DPP6: variants seen among roughly 807,000 people sequenced by gnomAD.
DPP6 encodes the protein dipeptidyl peptidase like 6.
A neutral mutation model predicts 122.6 loss-of-function variants in DPP6; 69 were observed. The observed-to-expected ratio is 0.56, with a 90% CI of 0.46 to 0.69. DPP6 has a LOEUF of 0.69. Ranked by LOEUF, DPP6 falls within the 30% of genes least tolerant of loss-of-function variation. The pLI, the probability that DPP6 is intolerant of heterozygous loss-of-function variation, is 0.00. For missense variants in DPP6, 928 were observed against 1,116.9 expected, an observed-to-expected ratio of 0.83 and a Z score of 2.41; for synonymous variants, 418 against 433.1, an observed-to-expected ratio of 0.97 and a Z score of 0.43.
At chr7:154,347,863 T>C (rs1393169777) in intron 1 of DPP6, among the ~76,000 whole-genome samples, 1 of 152,152 alleles carries the variant, frequency 6.6e-6, no homozygotes, top group South Asian at 2.1e-4. Flanking sequence ...ACTTGTGGAG[T>C]GAACCAGCCC....
At chr7:154,183,580 C>CTTCCT (rs1220906221) in intron 1 of DPP6, among the ~76,000 whole-genome samples, 1 of 152,182 alleles carries the variant, frequency 6.6e-6, no homozygotes, top group Non-Finnish European at 1.5e-5. Context: ...ACTAGGGCGT[C>CTTCCT]TTCCTTCCTC....
chr7:154,489,953 T>G (rs1019605943), intron 3 of DPP6, among the ~76,000 whole-genome samples: 30 of 152,310 alleles, frequency 2.0e-4, no homozygotes, highest in African/African-American at 7.0e-4. Context: ...TTTTCTTAAC[T>G]TCTCCCAGAT....
chr7:153,791,595 A>G, the DPP6 span, among the ~76,000 whole-genome samples: 1 of 151,224 alleles, frequency 6.6e-6, no homozygotes, highest in Non-Finnish European at 1.5e-5. Flanking sequence ...CTAATTTTGT[A>G]TTTTAGTAGA....
At chr7:153,956,608 A>T (rs796239799) in intron 1 of DPP6, among the ~76,000 whole-genome samples, 12 of 152,258 alleles carry the variant, frequency 7.9e-5, no homozygotes, top group African/African-American at 2.9e-4. Context: ...TCATTCTGGC[A>T]CATTTTTCAG....
chr7:154,206,441 T>TTTAAGGGAGAAGCCTTAA lies in DPP6; in HGVS notation c.243+153378_243+153379insTTAAGGGAGAAGCCTTAA, dbSNP rs1799450593. Among the ~76,000 whole-genome samples the TTTAAGGGAGAAGCCTTAA allele has an allele frequency of 2.0e-5, 3 of 152,298 alleles. No individual in the cohort carries two copies. In the South Asian group the frequency reaches 6.2e-4, roughly 32 times the overall value. ...GAAGCCTTAAATTCCTGTCCTTGAA[T>TTTAAGGGAGAAGCCTTAA]ATGCTCTTGCCCCAGACATATTGCT... On this transcript the variant is annotated intron_variant, in intron 1 of 25. Transcript: ENST00000377770.
intron 1 of DPP6, among the ~76,000 whole-genome samples, chr7:154,232,677 A>G (rs967727657): frequency 6.6e-6 from 1 of 152,172 alleles, no homozygotes; most frequent in Non-Finnish European, 1.5e-5. Flanking sequence ...CTATTTTGAC[A>G]AAGCCTTTTG....
rs570166432 is a variant in DPP6, at chr7:154,286,530, C to T, written c.244-159684C>T. Reference sequence around the variant, plus strand: ...ACTTGAAATGTTCATTGCACATTCCCCTGTAGGCAAGAGTATTTATTGAGA... The same window carrying T: ...ACTTGAAATGTTCATTGCACATTCCTCTGTAGGCAAGAGTATTTATTGAGA... On this transcript the variant is annotated intron_variant, in intron 1 of 25. Coordinates refer to ENST00000377770, the MANE Select transcript of DPP6 (RefSeq NM_130797.4). Among the ~76,000 whole-genome samples, 7 of 152,294 alleles carry T rather than the reference C, an allele frequency of 4.6e-5. No individual in the cohort carries two copies. In the East Asian group the frequency reaches 9.7e-4, roughly 21 times the overall value.
chr7:154,251,929 A>G (rs924730411), intron 1 of DPP6, among the ~76,000 whole-genome samples: 6 of 152,028 alleles, frequency 3.9e-5, no homozygotes, highest in African/African-American at 1.4e-4. Context: ...CACCAGAAAC[A>G]ATACTTTGCA....
rs1834395599 is a variant in DPP6 at position 154,618,250 on chromosome 7, G to A, written c.628-19571G>A. On this transcript the variant is annotated intron_variant, in intron 5 of 25. Transcript: ENST00000377770. This position sits in a 1 kb window ranked among gnomAD's most constrained non-coding sequence, Gnocchi z 4.1. ...CCCTGAGTTATTTTGCCCCTAATGG[G>A]TTTCCAGGGTCGTGTCCTTTCCCAA... 6.6e-6 allele frequency among the ~76,000 whole-genome samples: 1 copy of A among 152,140 alleles called. No individual in the cohort carries two copies. The highest frequency in any genetic ancestry group is 1.5e-5 in the Non-Finnish European group (1 of 68,032).
chr7:154,551,761 A>C (rs1233238602), intron 4 of DPP6, among the ~76,000 whole-genome samples: 2 of 152,078 alleles, frequency 1.3e-5, no homozygotes, highest in East Asian at 1.9e-4. Context: ...AATTCCAAAA[A>C]TCTCTGCCTA....
chr7:154,061,859 GC>G lies in DPP6; in HGVS notation c.243+8797del, dbSNP rs1195522917. 2.7e-4 allele frequency among the ~76,000 whole-genome samples: 36 copies of G among 132,844 alleles called. 2 individuals are homozygous for G. The highest frequency in any genetic ancestry group is 6.6e-4 in the East Asian group (3 of 4,542). 87.2% of individuals were successfully genotyped at this position (132,844 alleles called of 152,430 possible). A position where few individuals can be genotyped will look rare whatever the true frequency, so the allele number is the denominator to read the frequency against. The stretch of plus-strand genomic sequence containing the variant: ...GCTCTTAGGATCCCCATCGCTGGGG[GC>G]GGAGGCACCCCCCGCGAGGCAGGGA... On this transcript the variant is annotated intron_variant, in intron 1 of 25. Coordinates refer to ENST00000377770, the MANE Select transcript of DPP6 (RefSeq NM_130797.4).
chr7:153,883,251 G>A (rs1464693042), upstream of DPP6, among the ~76,000 whole-genome samples: 3 of 152,102 alleles, frequency 2.0e-5, no homozygotes, highest in Non-Finnish European at 4.4e-5. Context: ...AACTTCTGAT[G>A]GTAATGCTGT....
rs375536419 is a variant in DPP6 at position 154,838,451 on chromosome 7, G to T, written c.1667-15329G>T. Reference sequence around the variant, plus strand: ...GATTAAAGAAATGTGGGGCCAAAAAGGTTAAGTAATAAGAAAAGTCTGCTT... The same window carrying T: ...GATTAAAGAAATGTGGGGCCAAAAATGTTAAGTAATAAGAAAAGTCTGCTT... On this transcript the variant is annotated intron_variant, in intron 16 of 25. Coordinates refer to ENST00000377770, the MANE Select transcript of DPP6 (RefSeq NM_130797.4). 4 of 152,170 alleles carry T rather than the reference G, an allele frequency of 2.6e-5. No homozygotes were observed. In the East Asian group the frequency reaches 7.7e-4, roughly 29 times the overall value. The allele number at this position is 152,170 out of a possible 1,614,324, so 9.4% of individuals were successfully genotyped here. A position where few individuals can be genotyped will look rare whatever the true frequency, so the allele number is the denominator to read the frequency against.
chr7:154,353,311 T>C (rs1159951317), intron 1 of DPP6, among the ~76,000 whole-genome samples: 2 of 152,196 alleles, frequency 1.3e-5, no homozygotes, highest in Non-Finnish European at 2.9e-5. Flanking sequence ...TGGACTACAG[T>C]TGTTCTGAAT....
intron 1 of DPP6, among the ~76,000 whole-genome samples, chr7:154,125,556 C>T (rs1228635953): frequency 1.3e-5 from 2 of 152,158 alleles, no homozygotes; most frequent in African/African-American, 2.4e-5. Context: ...GTGCCATGGC[C>T]TCTTACAAGG....
chr7:154,766,753 C>T (rs528445253), intron 8 of DPP6, among the ~76,000 whole-genome samples: 1 of 152,292 alleles, frequency 6.6e-6, no homozygotes, highest in African/African-American at 2.4e-5. Flanking sequence ...TGTGGCCAGC[C>T]TTCACCCACA....
In DPP6 at chr7:154,522,719, T is replaced by G. The variant is rs374082110; in HGVS notation, c.458-17813T>G. Among the ~76,000 whole-genome samples, 60 of 152,006 alleles carry G rather than the reference T, an allele frequency of 3.9e-4. 2 individuals carry two copies. The South Asian group carries it at 0.012, about 31-fold the overall frequency. On this transcript the variant is annotated intron_variant, in intron 3 of 25. Coordinates refer to ENST00000377770, the MANE Select transcript of DPP6 (RefSeq NM_130797.4). Reference sequence around the variant, plus strand: ...ACGAGAAAAAAAAATTGGAACTCTGTCTCCTCCCTCCAGGCCTAATCCTAC... The same window carrying G: ...ACGAGAAAAAAAAATTGGAACTCTGGCTCCTCCCTCCAGGCCTAATCCTAC...
intron 1 of DPP6, among the ~76,000 whole-genome samples, chr7:153,893,754 A>G (rs1482131059): frequency 6.6e-6 from 1 of 152,252 alleles, no homozygotes; most frequent in African/African-American, 2.4e-5. Context: ...AAGAATTGCA[A>G]TCTGAGGCAT....
chr7:154,750,821 T>C (rs906384314), intron 8 of DPP6, among the ~76,000 whole-genome samples: 1 of 152,018 alleles, frequency 6.6e-6, no homozygotes, highest in African/African-American at 2.4e-5. Flanking sequence ...ATCGAGGCAG[T>C]GGGCCGAGGA....
Sources: gnomAD v4.1 joint callset for allele counts (sites outside exome capture counted in the v4.1 genomes callset) on GRCh38, gnomAD v4.1.1 for gene constraint, Gnocchi (gnomAD v3.1) non-coding constraint, MANE v1.5 for transcripts, NCBI Gene and HGNC (gene_info 2026-07-23, HGNC 2026-07-21) for gene names.